CTNND2: variants seen among roughly 807,000 people sequenced by gnomAD.
The protein encoded by CTNND2 is catenin delta 2, also known as catenin delta-2.
In CTNND2, 22 loss-of-function variants were observed where a neutral mutation model predicts 144.4. The ratio of observed to expected loss-of-function variants is 0.15; its 90% CI spans 0.11 to 0.22. The LOEUF (loss-of-function observed/expected upper bound fraction) is 0.22. CTNND2 is among the 10% of genes least tolerant of loss of function. The pLI is 1.00. For synonymous variants in CTNND2, 751 were observed against 695.6 expected, an observed-to-expected ratio of 1.08 and a Z score of -1.25; for missense variants, 1,353 against 1,618.8, an observed-to-expected ratio of 0.84 and a Z score of 2.82.
chr5:11,222,791 G>A (rs1420894967), intron 10 of CTNND2, among the ~76,000 whole-genome samples: 1 of 152,186 alleles, frequency 6.6e-6, no homozygotes, highest in Non-Finnish European at 1.5e-5. Context: ...GGGAGATAGT[G>A]AGACCCTGTC....
chr5:11,546,774 T>A (rs918137651), intron 3 of CTNND2, among the ~76,000 whole-genome samples: 1 of 152,242 alleles, frequency 6.6e-6, no homozygotes, highest in Admixed American at 6.5e-5. Flanking sequence ...ACACTCAAAA[T>A]CATAAAGCTG....
chr5:11,018,429 A>T (rs182615686), intron 17 of CTNND2, among the ~76,000 whole-genome samples: 1 of 152,344 alleles, frequency 6.6e-6, no homozygotes, highest in Admixed American at 6.5e-5. Flanking sequence ...ACTTTAAATC[A>T]AAAGCAAGAG....
chr5:11,810,503 T>C (rs1390802982), intron 1 of CTNND2, among the ~76,000 whole-genome samples: 21 of 152,192 alleles, frequency 1.4e-4, no homozygotes, highest in Non-Finnish European at 2.8e-4. Flanking sequence ...GCATTAAAAG[T>C]TTAAATGTGG....
chr5:11,191,111 G>T (rs1165583320), intron 11 of CTNND2, among the ~76,000 whole-genome samples: 2 of 152,184 alleles, frequency 1.3e-5, no homozygotes, highest in Non-Finnish European at 2.9e-5. Context: ...GCCTAGAGCA[G>T]GAGCAAGCAG....
intron 1 of CTNND2, among the ~76,000 whole-genome samples, chr5:11,897,250 T>C (rs1016217727): frequency 3.9e-5 from 6 of 152,246 alleles, no homozygotes; most frequent in African/African-American, 1.4e-4. Context: ...TAATGACTGC[T>C]ATATTAGTCT....
chr5:11,375,527 T>G lies in CTNND2; in HGVS notation c.1177+9138A>C, dbSNP rs151314462. On this transcript the variant is annotated intron_variant, in intron 7 of 21. Transcript: ENST00000304623. ...TTGATTCTTTTCCTCTCAAAAGCTT[T>G]AATATGTGTGTATGTGCATGTATAT... 2.6e-4 allele frequency among the ~76,000 whole-genome samples: 40 copies of G among 152,338 alleles called. 1 individual carries two copies. The East Asian group carries it at 6.4e-3, about 24-fold the overall frequency.
chr5:11,045,598 T>A (rs1745155052), intron 16 of CTNND2, among the ~76,000 whole-genome samples: 1 of 152,106 alleles, frequency 6.6e-6, no homozygotes, highest in Non-Finnish European at 1.5e-5. Flanking sequence ...CATCTCTGCC[T>A]CCACCCTCAC....
At chr5:11,600,308 CA>C (rs1020223486) in intron 2 of CTNND2, among the ~76,000 whole-genome samples, 20 of 152,054 alleles carry the variant, frequency 1.3e-4, no homozygotes, top group East Asian at 1.2e-3. Flanking sequence ...AACAAAACAA[CA>C]AAAAAAATTT....
intron 9 of CTNND2, among the ~76,000 whole-genome samples, chr5:11,304,343 T>TTC (rs913487537): frequency 2.3e-4 from 33 of 145,712 alleles, no homozygotes; most frequent in Non-Finnish European, 3.9e-4. Flanking sequence ...CACACACTCT[T>TTC]TCTCTCTCTC....
intron 2 of CTNND2, among the ~76,000 whole-genome samples, chr5:11,633,563 G>A (rs757236297): frequency 2.0e-5 from 3 of 152,066 alleles, no homozygotes; most frequent in Admixed American, 6.6e-5. Context: ...GGTTCACAAC[G>A]TCAGGAGTTC....
At chr5:11,473,511 G>C (rs1301461349) in intron 3 of CTNND2, among the ~76,000 whole-genome samples, 1 of 152,184 alleles carries the variant, frequency 6.6e-6, no homozygotes, top group Non-Finnish European at 1.5e-5. Context: ...ATGGTTTCCA[G>C]AGCAGTAAAA....
intron 3 of CTNND2, among the ~76,000 whole-genome samples, chr5:11,521,883 C>G (rs1772757302): frequency 6.6e-6 from 1 of 152,176 alleles, no homozygotes; most frequent in Non-Finnish European, 1.5e-5. Flanking sequence ...AATGGATGCA[C>G]TCCCAACGAG....
At chr5:11,445,261 TGTGTCCAG>T (rs1232876219) in intron 3 of CTNND2, among the ~76,000 whole-genome samples, 2 of 152,174 alleles carry the variant, frequency 1.3e-5, no homozygotes, top group African/African-American at 2.4e-5. Flanking sequence ...TTCTCCTCTG[TGTGTCCAG>T]GTGTCCAGAC....
At chr5:11,173,460 C>A (rs1760141258) in intron 11 of CTNND2, among the ~76,000 whole-genome samples, 1 of 152,172 alleles carries the variant, frequency 6.6e-6, no homozygotes, top group South Asian at 2.1e-4. Flanking sequence ...GTAGAGAATC[C>A]CAGCTGAGTG....
intron 7 of CTNND2, among the ~76,000 whole-genome samples, chr5:11,371,679 A>C (rs1181450375): frequency 6.6e-6 from 1 of 152,240 alleles, no homozygotes; most frequent in African/African-American, 2.4e-5. Context: ...ATGTATTCTG[A>C]ATCAAGCCTA....
chr5:11,082,492 C>T (rs988175864), intron 16 of CTNND2, among the ~76,000 whole-genome samples: 3 of 152,164 alleles, frequency 2.0e-5, no homozygotes, highest in South Asian at 2.1e-4. Context: ...GAAATGTCAA[C>T]GAGCATCACA....
At chr5:11,623,802 GTGTATGTATATA>G (rs1253183975) in intron 2 of CTNND2, among the ~76,000 whole-genome samples, 6 of 38,550 alleles carry the variant, frequency 1.6e-4, no homozygotes, top group African/African-American at 4.2e-4. Context: ...ATATATATGT[GTGTATGTATATA>G]TATATATATA....
chr5:11,371,767 C>T (rs775906447), intron 7 of CTNND2, among the ~76,000 whole-genome samples: 1 of 152,052 alleles, frequency 6.6e-6, no homozygotes, highest in Non-Finnish European at 1.5e-5. Flanking sequence ...GTTATAAATG[C>T]AAAGATATAA....
intron 3 of CTNND2, among the ~76,000 whole-genome samples, chr5:11,510,093 G>A (rs757121102): frequency 6.6e-5 from 10 of 152,108 alleles, no homozygotes; most frequent in East Asian, 1.9e-4. Flanking sequence ...AGCACACTTG[G>A]CAAATTTTTT....
Sources: allele counts gnomAD v4.1 joint callset (sites outside exome capture counted in the v4.1 genomes callset), GRCh38; gene constraint gnomAD v4.1.1; transcripts MANE v1.5; gene names NCBI Gene and HGNC (gene_info 2026-07-23, HGNC 2026-07-21).